DCC: variants seen among roughly 807,000 people sequenced by gnomAD.
DCC encodes the protein netrin receptor DCC.
DCC carries 58 observed loss-of-function variants against 172.5 expected under a neutral mutation model. The ratio of observed to expected loss-of-function variants is 0.34; its 90% confidence interval spans 0.27 to 0.42. DCC has a LOEUF of 0.42. DCC is among the 10% of genes least tolerant of loss of function. The pLI, the probability that DCC is intolerant of heterozygous loss-of-function variation, is 1.00. For synonymous variants in DCC, 709 were observed against 644.5 expected, an observed-to-expected ratio of 1.10 and a Z score of -1.52; for missense variants, 1,740 against 1,791.0, an observed-to-expected ratio of 0.97 and a Z score of 0.51.
chr18:53,198,432 GCTCTCTCT>G (rs59665065), intron 9 of DCC, among the ~76,000 whole-genome samples: 69,519 of 149,272 alleles, frequency 0.47, 16,881 homozygotes, highest in Non-Finnish European at 0.52. Flanking sequence ...AAACTGAGCA[GCTCTCTCT>G]CTCTCTCTCT....
chr18:53,099,746 T>C (rs1329024633), intron 7 of DCC, among the ~76,000 whole-genome samples: 1 of 152,062 alleles, frequency 6.6e-6, no homozygotes, highest in Non-Finnish European at 1.5e-5. Context: ...TTCAGGGTCA[T>C]AGCAAGAAGA....
intron 27 of DCC, among the ~76,000 whole-genome samples, chr18:53,508,667 G>C (rs918088595): frequency 6.6e-6 from 1 of 152,180 alleles, no homozygotes; most frequent in South Asian, 2.1e-4. Flanking sequence ...ACATGCCTGA[G>C]CTGACACATT....
intron 24 of DCC, among the ~76,000 whole-genome samples, chr18:53,462,662 A>T (rs902556993): frequency 1.3e-5 from 2 of 152,144 alleles, no homozygotes; most frequent in African/African-American, 4.8e-5. Context: ...CAGGTCCATG[A>T]AAAAATTTTC....
chr18:52,505,890 C>A (rs1282671413), intron 1 of DCC, among the ~76,000 whole-genome samples: 1 of 151,996 alleles, frequency 6.6e-6, no homozygotes, highest in Non-Finnish European at 1.5e-5. Flanking sequence ...TTTTGAAATA[C>A]TTGTTAGTGC....
In DCC at chr18:53,265,117, G is replaced by A. The variant is rs113736685; in HGVS notation, c.1912-40461G>A. 3.3e-3 allele frequency among the ~76,000 whole-genome samples: 506 copies of A among 152,250 alleles called. 4 individuals are homozygous for A. The highest frequency in any genetic ancestry group is 0.011 in the African/African-American group (465 of 41,552). On this transcript the variant is annotated intron_variant, in intron 12 of 28. Transcript: ENST00000442544. ...AGCATACTCCATGTCAGAAGCAACC[G>A]GATGACATTAAGGATGCAGTCTATG...
At chr18:53,476,772 C>T (rs973728167) in intron 25 of DCC, among the ~76,000 whole-genome samples, 1 of 152,076 alleles carries the variant, frequency 6.6e-6, no homozygotes, top group African/African-American at 2.4e-5. Flanking sequence ...TGTGTTATTT[C>T]TTGTTCTGGA....
At chr18:52,672,687 T>C (rs867326736) in intron 1 of DCC, among the ~76,000 whole-genome samples, 13 of 136,582 alleles carry the variant, frequency 9.5e-5, no homozygotes, top group Middle Eastern at 3.6e-3. Context: ...CCCTCCTTCC[T>C]TCTTCCCTTG....
chr18:53,451,710 G>GCTCTCT (rs371232356), intron 23 of DCC, among the ~76,000 whole-genome samples: 34,896 of 147,288 alleles, frequency 0.24, 4,221 homozygotes, highest in East Asian at 0.37. Flanking sequence ...GCTCGCTCTT[G>GCTCTCT]CTCTCTCTCT....
intron 7 of DCC, among the ~76,000 whole-genome samples, chr18:53,085,565 T>C (rs956569033): frequency 1.3e-5 from 2 of 152,170 alleles, no homozygotes; most frequent in African/African-American, 2.4e-5. Flanking sequence ...ATTATTATAA[T>C]GGATTTCCTG....
At chr18:52,855,763 C>CTTTTTTTTT (rs71175526) in intron 2 of DCC, among the ~76,000 whole-genome samples, 4 of 121,242 alleles carry the variant, frequency 3.3e-5, no homozygotes, top group Non-Finnish European at 5.1e-5. Flanking sequence ...CGTATAAATT[C>CTTTTTTTTT]TTTTTTTTTT....
At chr18:53,410,709 C>A in intron 20 of DCC, 63 bp downstream of exon 20, 1 of 1,061,850 alleles carries the variant, frequency 9.4e-7, no homozygotes, top group Non-Finnish European at 1.5e-6. Flanking sequence ...TAGCTTTGCA[C>A]TCTGTGTTAG....
rs185600985 is a variant in DCC at position 53,333,817 on chromosome 18, A to G, written c.2165-5896A>G. 4.6e-5 allele frequency among the ~76,000 whole-genome samples: 7 copies of G among 152,344 alleles called. No homozygotes were observed. The South Asian group carries it at 8.3e-4, about 18-fold the overall frequency. ...CATACACATTTATTTTAAATACCAC[A>G]TATATGCTGATGGCTTCCACATCTG... is the stretch of plus-strand genomic sequence containing the variant. On this transcript the variant is annotated intron_variant, in intron 14 of 28. Coordinates refer to ENST00000442544, the MANE Select transcript of DCC (RefSeq NM_005215.4).
intron 5 of DCC, among the ~76,000 whole-genome samples, chr18:53,025,831 C>T (rs189911189): frequency 1.6e-4 from 23 of 147,076 alleles, no homozygotes; most frequent in African/African-American, 5.6e-4. Flanking sequence ...CACACACACA[C>T]ATAAAACTTC....
chr18:52,990,630 G>GT (rs1555693076), intron 5 of DCC, among the ~76,000 whole-genome samples: 1 of 148,298 alleles, frequency 6.7e-6, no homozygotes, highest in Non-Finnish European at 1.5e-5. Context: ...TAAATTATCA[G>GT]TTTTTTCTTG....
intron 5 of DCC, among the ~76,000 whole-genome samples, chr18:53,048,030 C>T (rs1381589570): frequency 6.6e-6 from 1 of 151,818 alleles, no homozygotes; most frequent in Admixed American, 6.6e-5. Flanking sequence ...TTTCCCCACA[C>T]TATTAAAGGC....
intron 1 of DCC, among the ~76,000 whole-genome samples, chr18:52,403,613 T>C (rs16954858): frequency 0.035 from 5,317 of 152,114 alleles, 164 homozygotes; most frequent in African/African-American, 0.078. Context: ...CACTAGATTC[T>C]ATGAAAAACT....
chr18:53,488,317 T>C (rs1476500566), intron 26 of DCC, among the ~76,000 whole-genome samples: 1 of 152,038 alleles, frequency 6.6e-6, no homozygotes, highest in Non-Finnish European at 1.5e-5. Flanking sequence ...GGAGATTGCA[T>C]TGAGCTGAGA....
intron 20 of DCC, among the ~76,000 whole-genome samples, chr18:53,412,695 C>A (rs1283646126): frequency 6.6e-6 from 1 of 152,078 alleles, no homozygotes; most frequent in Non-Finnish European, 1.5e-5. Flanking sequence ...TTGTGCCAGG[C>A]AGGTGTCCAC....
intron 5 of DCC, among the ~76,000 whole-genome samples, chr18:53,012,482 A>G (rs917918844): frequency 3.3e-5 from 5 of 152,058 alleles, no homozygotes; most frequent in Non-Finnish European, 7.4e-5. Flanking sequence ...ATCCATTATG[A>G]TAGAACTCAG....
Sources: gnomAD v4.1 joint callset for allele counts (sites outside exome capture counted in the v4.1 genomes callset) on GRCh38, gnomAD v4.1.1 for gene constraint, MANE v1.5 for transcripts, NCBI Gene and HGNC (gene_info 2026-07-23, HGNC 2026-07-21) for gene names.